The following CUX1 variants were observed in gnomAD, a reference collection of about 807,000 sequenced individuals.
CUX1 encodes cut like homeobox 1.
Under a neutral mutation model 158.8 loss-of-function variants are expected in CUX1, and 31 were observed. The ratio of observed to expected loss-of-function variants is 0.20; its 90% confidence interval spans 0.15 to 0.26. The LOEUF is 0.26. CUX1 is among the 10% of genes least tolerant of loss of function. The probability of loss-of-function intolerance (pLI) is 1.00; values close to 1 mark genes in which losing one functional copy is unlikely to be tolerated. For missense variants in CUX1, 1,589 were observed against 2,014.6 expected (o/e 0.79, Z 4.04); for synonymous variants, 879 against 862.1 (o/e 1.02, Z -0.34).
intron 1 of CUX1, among the ~76,000 whole-genome samples, chr7:101,903,846 C>T (rs1802437050): frequency 6.6e-6 from 1 of 152,042 alleles, no homozygotes; most frequent in African/African-American, 2.4e-5. Flanking sequence ...AAAACAAATT[C>T]TTGATTCTTG....
rs1251162655 is a variant in CUX1 at position 101,917,561 on chromosome 7, A to G, written c.141+1336A>G. 2.0e-5 allele frequency among the ~76,000 whole-genome samples: 3 copies of G among 152,098 alleles called. No homozygotes were observed. The East Asian group carries it at 5.8e-4, about 29-fold the overall frequency. On this transcript the variant is annotated intron_variant, in intron 2 of 23. Transcript: ENST00000292535. ...CCAGTGTTGGGGAGTGGGGGGCCCT[A>G]TTCTCCATGTCAGCCTTGCCATGAG...
At chr7:102,190,932 C>T (rs1794204172) in intron 12 of CUX1, among the ~76,000 whole-genome samples, 1 of 152,138 alleles carries the variant, frequency 6.6e-6, no homozygotes, top group Non-Finnish European at 1.5e-5. Flanking sequence ...TCCATTTCTC[C>T]TTTTAAGATG....
At position 101,978,990 on chromosome 7, in the gene CUX1, A is replaced by G. The variant is rs1043472676; in HGVS notation, c.142-49108A>G. 2.0e-5 allele frequency among the ~76,000 whole-genome samples: 3 copies of G among 152,244 alleles called. No homozygotes were observed. The South Asian group carries it at 6.2e-4, about 31-fold the overall frequency. ...GCTGGCTGGATTCTATGTGGGAAGC[A>G]TAATGACCAGTGGTCACAAATTACT... On this transcript the variant is annotated intron_variant, in intron 2 of 23. Transcript: ENST00000292535.
chr7:101,842,157 C>T lies in CUX1; in HGVS notation c.30+24488C>T, dbSNP rs145243145. ...TCACATATGGTCAGAGAACATAGTT[C>T]ACATAATCCTGGTTCTTTGGAATCT... On this transcript the variant is annotated intron_variant, in intron 1 of 23. Transcript: ENST00000292535. Among the ~76,000 whole-genome samples the T allele has an allele frequency of 4.6e-5, 7 of 152,134 alleles. No homozygotes were observed. The Middle Eastern group carries it at 0.01, about 222-fold the overall frequency.
At position 102,253,703 on chromosome 7, in the gene CUX1, G is replaced by A. The variant is rs35652575; in HGVS notation, c.*4661G>A. ...TTGCCTTAAATGCAGTATGACAGGCGCTTCTTGGCAGACCAGTAAAAACAA... is the reference window on the plus strand; with the variant it reads ...TTGCCTTAAATGCAGTATGACAGGCACTTCTTGGCAGACCAGTAAAAACAA... On this transcript the variant is annotated 3_prime_UTR_variant, in exon 24 of 24. Coordinates refer to ENST00000292535, the MANE Select transcript of CUX1 (RefSeq NM_181552.4). 79,756 of 985,264 alleles carry A rather than the reference G, an allele frequency of 0.081. 3,992 individuals carry two copies. Among genetic ancestry groups the A allele is most frequent in the African/African-American group, 0.22 (12,378 of 57,236 alleles). The allele number at this position is 985,264 out of a possible 1,614,324, so 61.0% of individuals were successfully genotyped here.
chr7:101,833,248 A>G (rs999249559), intron 1 of CUX1, among the ~76,000 whole-genome samples: 3 of 151,540 alleles, frequency 2.0e-5, no homozygotes, highest in Non-Finnish European at 4.4e-5. Flanking sequence ...AGAAAAAAAA[A>G]AAGAAAAGAA....
rs1790063476 is a variant in CUX1 at position 102,257,828 on chromosome 7, A to G, written c.*8786A>G. The G allele has an allele frequency of 3.0e-6, 3 of 984,534 alleles. No homozygotes were observed. Among genetic ancestry groups the G allele is most frequent in the Non-Finnish European group, 2.4e-6 (2 of 829,780 alleles). The allele number at this position is 984,534 out of a possible 1,614,324, so 61.0% of individuals were successfully genotyped here. A position where few individuals can be genotyped will look rare whatever the true frequency, so the allele number is the denominator to read the frequency against. ...CTTGTTTGTTCATCCTCACAATCACAGATTTTTTTCTCCAATCCTCACAGA... is the reference window on the plus strand; with the variant it reads ...CTTGTTTGTTCATCCTCACAATCACGGATTTTTTTCTCCAATCCTCACAGA... On this transcript the variant is annotated 3_prime_UTR_variant, in exon 24 of 24. Coordinates refer to ENST00000292535, the MANE Select transcript of CUX1 (RefSeq NM_181552.4).
upstream of CUX1, chr7:101,817,317 C>T (rs1263612252): frequency 2.3e-5 from 23 of 984,682 alleles, no homozygotes; most frequent in Middle Eastern, 1.0e-3. This position sits in a 1 kb window ranked among gnomAD's most constrained non-coding sequence, Gnocchi z 4.1. Flanking sequence ...CTCGGGGCTT[C>T]TGCCCTCTCT....
Position 102,250,468 on chromosome 7 carries a change from C to T in CUX1, c.*1426C>T, listed in dbSNP as rs1210583429. The stretch of plus-strand genomic sequence containing the variant: ...GGCTTACACGCGCACTCTCTCTCTT[C>T]TTTCCCTTTTTCTTCCCACCGCAAG... On this transcript the variant is annotated 3_prime_UTR_variant, in exon 24 of 24. Coordinates refer to ENST00000292535, the MANE Select transcript of CUX1 (RefSeq NM_181552.4). 6.1e-6 allele frequency: 6 copies of T among 985,348 alleles called. No individual in the cohort carries two copies. Among genetic ancestry groups the T allele is most frequent in the Non-Finnish European group, 7.2e-6 (6 of 829,984 alleles). The allele number at this position is 985,348 out of a possible 1,614,324, so 61.0% of individuals were successfully genotyped here.
intron 3 of CUX1, among the ~76,000 whole-genome samples, chr7:102,032,935 C>G (rs1453395575): frequency 6.6e-6 from 1 of 152,092 alleles, no homozygotes; most frequent in Non-Finnish European, 1.5e-5. Flanking sequence ...CACATACCCT[C>G]TAGGAAAATG....
intron 20 of CUX1, among the ~76,000 whole-genome samples, chr7:102,217,026 G>C (rs1314642166): frequency 2.0e-5 from 3 of 152,172 alleles, no homozygotes; most frequent in Non-Finnish European, 2.9e-5. Context: ...TTAATGCACA[G>C]GGACGCATTG....
At chr7:102,100,664 A>G (rs1829673765) in intron 5 of CUX1, among the ~76,000 whole-genome samples, 1 of 152,294 alleles carries the variant, frequency 6.6e-6, no homozygotes, top group African/African-American at 2.4e-5. Flanking sequence ...AGTAGTGTAA[A>G]TGATTAAAAA....
At chr7:101,833,385 GAA>G (rs554710100) in intron 1 of CUX1, among the ~76,000 whole-genome samples, 2 of 138,872 alleles carry the variant, frequency 1.4e-5, no homozygotes, top group Non-Finnish European at 1.6e-5. Context: ...TGTCTCTACA[GAA>G]AAAAAAAAAA....
At chr7:102,219,572 C>G (rs1267080661) in intron 20 of CUX1, among the ~76,000 whole-genome samples, 1 of 152,244 alleles carries the variant, frequency 6.6e-6, no homozygotes, top group South Asian at 2.1e-4. Flanking sequence ...CGGCCCCCCG[C>G]TGGCGTCAGG....
chr7:102,025,331 A>G (rs1819867864), intron 2 of CUX1, among the ~76,000 whole-genome samples: 1 of 131,424 alleles, frequency 7.6e-6, no homozygotes, highest in South Asian at 2.7e-4. Context: ...TTATTTATAT[A>G]AAAAGAGATT....
intron 6 of CUX1, among the ~76,000 whole-genome samples, chr7:102,110,844 C>T (rs1830811590): frequency 6.6e-6 from 1 of 152,116 alleles, no homozygotes; most frequent in African/African-American, 2.4e-5. Context: ...TACAAATGAA[C>T]TCCATCTGAG....
rs1233758958 is a variant in CUX1, at chr7:102,255,682, T to C, written c.*6640T>C. 1 of 985,292 alleles carries C rather than the reference T, an allele frequency of 1.0e-6. No individual in the cohort carries two copies. The highest frequency in any genetic ancestry group is 1.7e-5 in the African/African-American group (1 of 57,236). 61.0% of individuals were successfully genotyped at this position (985,292 alleles called of 1,614,324 possible). The stretch of plus-strand genomic sequence containing the variant: ...TCCCAATGTCACGGCTACATCCCTA[T>C]GGAAATTAATCAGAAGCACAGTGTG... On this transcript the variant is annotated 3_prime_UTR_variant, in exon 24 of 24. Coordinates refer to ENST00000292535, the MANE Select transcript of CUX1 (RefSeq NM_181552.4).
At chr7:102,165,796 C>A (rs1790965981) in intron 9 of CUX1, among the ~76,000 whole-genome samples, 1 of 152,116 alleles carries the variant, frequency 6.6e-6, no homozygotes, top group Non-Finnish European at 1.5e-5. Context: ...TCTCCTTCCC[C>A]AAATCACCCA....
intron 8 of CUX1, among the ~76,000 whole-genome samples, chr7:102,142,764 A>T (rs1191821014): frequency 6.6e-6 from 1 of 151,054 alleles, no homozygotes; most frequent in African/African-American, 2.4e-5. Flanking sequence ...TCTGCAAAAA[A>T]TTTAAAAATT....
Sources: gnomAD v4.1 joint callset for allele counts (sites outside exome capture counted in the v4.1 genomes callset) on GRCh38, gnomAD v4.1.1 for gene constraint, Gnocchi (gnomAD v3.1) non-coding constraint, MANE v1.5 for transcripts, NCBI Gene and HGNC (gene_info 2026-07-23, HGNC 2026-07-21) for gene names.